DCDC2: variants seen among roughly 807,000 people sequenced by gnomAD.
The protein encoded by DCDC2 is doublecortin domain-containing protein 2.
A neutral mutation model predicts 50.2 loss-of-function variants in DCDC2; 40 were observed. The observed-to-expected ratio is 0.80, with a 90% confidence interval of 0.62 to 1.04. The LOEUF is 1.04. Ranked by LOEUF, DCDC2 falls within the 50% of genes least tolerant of loss-of-function variation. DCDC2 has a pLI of 0.00. For synonymous variants in DCDC2, 234 were observed against 210.6 expected, an observed-to-expected ratio of 1.11 and a Z score of -0.96; for missense variants, 570 against 581.9, an observed-to-expected ratio of 0.98 and a Z score of 0.21.
chr6:24,176,317 A>G (rs1760911028), intron 9 of DCDC2, among the ~76,000 whole-genome samples: 1 of 79,492 alleles, frequency 1.3e-5, no homozygotes, highest in South Asian at 7.7e-4. Context: ...CCCTAATTAG[A>G]TGTTGTCTCA....
At chr6:24,206,347 A>C (rs1761717914) in intron 7 of DCDC2, among the ~76,000 whole-genome samples, 1 of 152,040 alleles carries the variant, frequency 6.6e-6, no homozygotes, top group Admixed American at 6.6e-5. Flanking sequence ...AGCTGAAAAT[A>C]TACAGCCCAG....
At chr6:24,322,403 C>T (rs779414135) in intron 2 of DCDC2, among the ~76,000 whole-genome samples, 66 of 152,006 alleles carry the variant, frequency 4.3e-4, no homozygotes, top group Non-Finnish European at 6.9e-4. Flanking sequence ...AAATATATTT[C>T]CTTGCCATAC....
intron 7 of DCDC2, among the ~76,000 whole-genome samples, chr6:24,246,324 A>G (rs1762669909): frequency 6.6e-6 from 1 of 152,124 alleles, no homozygotes; most frequent in South Asian, 2.1e-4. Context: ...AAAAATGTCT[A>G]TTATTCCAAA....
At chr6:24,324,985 C>T (rs1021919004) in intron 2 of DCDC2, among the ~76,000 whole-genome samples, 1 of 151,936 alleles carries the variant, frequency 6.6e-6, no homozygotes, top group Non-Finnish European at 1.5e-5. Context: ...AAAGACAGCA[C>T]AAGAAGTAGA....
chr6:24,235,016 T>C (rs889461309), intron 7 of DCDC2, among the ~76,000 whole-genome samples: 17 of 152,154 alleles, frequency 1.1e-4, no homozygotes, highest in Non-Finnish European at 5.9e-5. Context: ...TTCAATTTAA[T>C]AGGATAACAT....
rs1246623501 is a variant in DCDC2 at position 24,217,555 on chromosome 6, T to C, written c.923-12453A>G. On this transcript the variant is annotated intron_variant, in intron 7 of 9. Coordinates refer to ENST00000378454, the MANE Select transcript of DCDC2 (RefSeq NM_016356.5). ...GTGTAAATGTGCAAATCAGTGCAAA[T>C]CAGTCATCCTGAATAAAGGGATTGG... Among the ~76,000 whole-genome samples, 5 of 152,190 alleles carry C rather than the reference T, an allele frequency of 3.3e-5. No individual in the cohort carries two copies. The East Asian group carries it at 9.6e-4, about 29-fold the overall frequency.
chr6:24,180,097 A>G (rs1761034344), intron 8 of DCDC2, among the ~76,000 whole-genome samples: 1 of 152,098 alleles, frequency 6.6e-6, no homozygotes. Flanking sequence ...CAGATTCCCC[A>G]TTTGTAAAAT....
chr6:24,331,485 A>G (rs1257630499), intron 2 of DCDC2, among the ~76,000 whole-genome samples: 3 of 152,070 alleles, frequency 2.0e-5, no homozygotes, highest in Non-Finnish European at 4.4e-5. Flanking sequence ...TATATACAAA[A>G]TGGTAATATT....
At chr6:24,271,545 C>G (rs1333227730) in intron 7 of DCDC2, among the ~76,000 whole-genome samples, 2 of 152,190 alleles carry the variant, frequency 1.3e-5, no homozygotes, top group African/African-American at 4.8e-5. Flanking sequence ...TCCTCCAGCT[C>G]TGCATTCCTC....
In DCDC2 at chr6:24,314,792, C is replaced by T. The variant is rs145936049; in HGVS notation, c.349-12748G>A. Among the ~76,000 whole-genome samples the T allele has an allele frequency of 2.2e-3, 339 of 151,972 alleles. 1 individual carries two copies. The highest frequency in any genetic ancestry group is 7.5e-3 in the African/African-American group (311 of 41,458). ...ATAAGTGTCAGTGTTGGAAAAAAGT[C>T]CGGAAGATCAGAAACCCTTCCTAAC... On this transcript the variant is annotated intron_variant, in intron 2 of 9. Transcript: ENST00000378454.
At chr6:24,318,298 T>C (rs1157335311) in intron 2 of DCDC2, among the ~76,000 whole-genome samples, 3 of 152,132 alleles carry the variant, frequency 2.0e-5, no homozygotes, top group Non-Finnish European at 4.4e-5. Context: ...ATCCATACGA[T>C]GGAGGGCTCT....
chr6:24,303,884 C>T (rs949101736), intron 2 of DCDC2, among the ~76,000 whole-genome samples: 2 of 152,132 alleles, frequency 1.3e-5, no homozygotes, highest in Admixed American at 6.5e-5. Context: ...CTATTTGCTA[C>T]GCACTTTGCT....
At chr6:24,322,264 G>A (rs1296821664) in intron 2 of DCDC2, among the ~76,000 whole-genome samples, 2 of 152,102 alleles carry the variant, frequency 1.3e-5, no homozygotes, top group East Asian at 1.9e-4. Flanking sequence ...TATCTAAGGG[G>A]TCTGGGGAGT....
chr6:24,275,556 T>C (rs1379890440), intron 7 of DCDC2, among the ~76,000 whole-genome samples: 1 of 152,140 alleles, frequency 6.6e-6, no homozygotes, highest in African/African-American at 2.4e-5. Context: ...AAAAAATTCA[T>C]TCCCTAAAAC....
chr6:24,345,712 AG>A (rs1760242511), intron 2 of DCDC2, among the ~76,000 whole-genome samples: 2 of 152,352 alleles, frequency 1.3e-5, no homozygotes, highest in South Asian at 4.1e-4. Flanking sequence ...CCTTTGAATT[AG>A]GTGAGCTTGA....
In DCDC2 at chr6:24,301,843, C is replaced by T. The variant is rs752251108; in HGVS notation, c.429G>A (p.Leu143=). 1 of 1,614,134 alleles carries T rather than the reference C, an allele frequency of 6.2e-7. No homozygotes were observed. Among genetic ancestry groups the T allele is most frequent in the East Asian group, 2.2e-5 (1 of 44,878 alleles). The change falls in exon 4 of 10, where the codon TTG becomes TTA. Residue 143 remains leucine (L), a synonymous_variant. Transcript: ENST00000378454. ...KPLQEPCTIF[L]IANGDLINPA... ...GGTTTATGAGGTCTCCATTTGCAATCAAGCTGGAAAACAGGGGGCAAACCT... is the reference window on the plus strand; with the variant it reads ...GGTTTATGAGGTCTCCATTTGCAATTAAGCTGGAAAACAGGGGGCAAACCT...
intron 2 of DCDC2, among the ~76,000 whole-genome samples, chr6:24,329,121 T>C (rs1460446505): frequency 6.6e-6 from 1 of 152,052 alleles, no homozygotes; most frequent in Non-Finnish European, 1.5e-5. Context: ...AGCATTTAGG[T>C]AAAAAATGAT....
At chr6:24,366,055 T>C in the DCDC2 span, among the ~76,000 whole-genome samples, 1 of 152,164 alleles carries the variant, frequency 6.6e-6, no homozygotes, top group South Asian at 2.1e-4. Context: ...TGACCTCAGG[T>C]GATCATCCTG....
In DCDC2 at chr6:24,178,485, TCTC is replaced by T; in HGVS notation, c.1168_1170del (p.Glu390del). 6.2e-7 allele frequency: 1 copy of T among 1,614,120 alleles called. No homozygotes were observed. The highest frequency in any genetic ancestry group is 8.5e-7 in the Non-Finnish European group (1 of 1,180,024). On this transcript the variant is annotated inframe_deletion, in exon 9 of 10. Coordinates refer to ENST00000378454, the MANE Select transcript of DCDC2 (RefSeq NM_016356.5). ...GCCTGCTGCTCACTGTGATCCAGAATCTCCTCGACTTGCTCAGGGGCATCTGTA... is the reference window on the plus strand; with the variant it reads ...GCCTGCTGCTCACTGTGATCCAGAATCTCGACTTGCTCAGGGGCATCTGTA...
Sources: allele counts gnomAD v4.1 joint callset (sites outside exome capture counted in the v4.1 genomes callset), GRCh38; gene constraint gnomAD v4.1.1; transcripts MANE v1.5; gene names NCBI Gene and HGNC (gene_info 2026-07-23, HGNC 2026-07-21).